The following ZNF85 variants were observed in gnomAD, a reference collection of about 807,000 sequenced individuals.
The protein encoded by ZNF85 is zinc finger protein 85.
In ZNF85, 50 loss-of-function variants were observed where a neutral mutation model predicts 53.9. The ratio of observed to expected loss-of-function variants is 0.93; its 90% confidence interval spans 0.74 to 1.17. The LOEUF is 1.17. Ranked by LOEUF, ZNF85 falls within the 50% of genes most tolerant of loss-of-function variation. ZNF85 has a pLI of 0.00. For synonymous variants in ZNF85, 225 were observed against 226.1 expected (o/e 1.00, Z 0.04); for missense variants, 747 against 688.5 (o/e 1.08, Z -0.95).
At chr19:20,935,111 G>A in intron 3 of ZNF85, 64 bp downstream of exon 3, 2 of 1,063,362 alleles carry the variant, frequency 1.9e-6, no homozygotes, top group Non-Finnish European at 2.7e-6. Flanking sequence ...CAAAGAGAAA[G>A]CCAGTCCTTA....
At chr19:20,941,732 T>A (rs1358902810) in intron 3 of ZNF85, among the ~76,000 whole-genome samples, 4 of 152,252 alleles carry the variant, frequency 2.6e-5, no homozygotes, top group African/African-American at 9.6e-5. Context: ...CAAATATTTT[T>A]AGCTATTTCC....
intron 1 of ZNF85, among the ~76,000 whole-genome samples, chr19:20,923,848 G>A (rs139825506): frequency 0.01 from 1,531 of 152,250 alleles, 22 homozygotes; most frequent in African/African-American, 0.036. Flanking sequence ...TTGGGAAGCC[G>A]AGGCGGGCGG....
At chr19:20,944,887 G>T (rs921688260) in intron 3 of ZNF85, among the ~76,000 whole-genome samples, 2 of 151,978 alleles carry the variant, frequency 1.3e-5, no homozygotes, top group African/African-American at 4.8e-5. Context: ...TATGTCTATT[G>T]CTAATGTGTT....
chr19:20,946,041 A>T (rs1193629461), intron 3 of ZNF85, among the ~76,000 whole-genome samples: 2 of 33,548 alleles, frequency 6.0e-5, no homozygotes, highest in African/African-American at 5.5e-4. Context: ...TAATGCCTCA[A>T]ACGTTTTTTT....
At chr19:20,941,565 A>G (rs1424642455) in intron 3 of ZNF85, among the ~76,000 whole-genome samples, 1 of 152,140 alleles carries the variant, frequency 6.6e-6, no homozygotes, top group African/African-American at 2.4e-5. Context: ...GCCTGGCCAC[A>G]TTTCCTTTCA....
At chr19:20,937,470 C>T (rs973054742) in intron 3 of ZNF85, 3 of 386,748 alleles carry the variant, frequency 7.8e-6, no homozygotes, top group African/African-American at 6.3e-5. Context: ...TAGGGTCCGC[C>T]TTTAGTTGGT....
intron 3 of ZNF85, among the ~76,000 whole-genome samples, chr19:20,942,566 A>G (rs1037908908): frequency 6.6e-6 from 1 of 151,680 alleles, no homozygotes; most frequent in African/African-American, 2.4e-5. Flanking sequence ...TTCTAGTTAG[A>G]TTATATTGAA....
intron 1 of ZNF85, among the ~76,000 whole-genome samples, chr19:20,930,205 T>G (rs1972981833): frequency 6.6e-6 from 1 of 151,788 alleles, no homozygotes; most frequent in African/African-American, 2.4e-5. Flanking sequence ...CACAATTTCC[T>G]TAAACCCCAA....
At chr19:20,930,863 C>T (rs1973000257) in intron 1 of ZNF85, among the ~76,000 whole-genome samples, 1 of 152,218 alleles carries the variant, frequency 6.6e-6, no homozygotes, top group African/African-American at 2.4e-5. Context: ...ACCTCTGCCT[C>T]CCAGGTTCAA....
intron 1 of ZNF85, among the ~76,000 whole-genome samples, chr19:20,928,910 C>A (rs958908142): frequency 3.3e-5 from 5 of 152,074 alleles, no homozygotes; most frequent in African/African-American, 1.2e-4. Flanking sequence ...TTCAGGGGTA[C>A]ACGTGCAGGT....
Position 20,934,178 on chromosome 19 carries a change from T to C in ZNF85, c.130+28T>C, listed in dbSNP as rs112127859. ...GAGGATAACTTCAATACACAATTTC[T>C]AATATGCCCTAAAGGTTTTATTTCT... is the stretch of plus-strand genomic sequence containing the variant. On this transcript the variant is annotated intron_variant, in intron 2 of 3. Coordinates refer to ENST00000328178, the MANE Select transcript of ZNF85 (RefSeq NM_003429.5). The C allele has an allele frequency of 4.4e-3, 7,089 of 1,602,814 alleles. 118 individuals carry two copies. Among genetic ancestry groups the C allele is most frequent in the African/African-American group, 0.034 (2,534 of 74,356 alleles).
chr19:20,948,045 T>C (rs377219356), intron 3 of ZNF85, among the ~76,000 whole-genome samples: 3 of 152,144 alleles, frequency 2.0e-5, no homozygotes, highest in East Asian at 3.8e-4. Flanking sequence ...TAACAATCTT[T>C]ATAATATAGC....
rs1027598898 is a variant in ZNF85 at position 20,929,338 on chromosome 19, A to C, written c.4-4686A>C. On this transcript the variant is annotated intron_variant, in intron 1 of 3. Transcript: ENST00000328178. ...CAAGTAGCTGAGACTACAGGTGCAC[A>C]CCACCACACCTGGCTAATTTTTGTA... Among the ~76,000 whole-genome samples, 40 of 151,866 alleles carry C rather than the reference A, an allele frequency of 2.6e-4. 1 individual carries two copies. Among genetic ancestry groups the C allele is most frequent in the Admixed American group, 2.6e-4 (4 of 15,228 alleles).
At chr19:20,925,473 A>G (rs1047329321) in intron 1 of ZNF85, among the ~76,000 whole-genome samples, 2 of 150,296 alleles carry the variant, frequency 1.3e-5, no homozygotes, top group African/African-American at 4.9e-5. Flanking sequence ...AAAAAAAAAG[A>G]TTGACTTCAC....
intron 3 of ZNF85, among the ~76,000 whole-genome samples, chr19:20,946,043 C>T (rs1040989642): frequency 1.3e-5 from 2 of 149,948 alleles, no homozygotes; most frequent in Non-Finnish European, 3.0e-5. Context: ...ATGCCTCAAA[C>T]GTTTTTTTTT....
chr19:20,930,120 C>CAAAAAAAA (rs57832039), intron 1 of ZNF85, among the ~76,000 whole-genome samples: 10 of 79,248 alleles, frequency 1.3e-4, no homozygotes, highest in Non-Finnish European at 1.6e-4. Flanking sequence ...GACTCCGTCC[C>CAAAAAAAA]AAAAAAAAAA....
chr19:20,923,595 G>C (rs1242150821), intron 1 of ZNF85, among the ~76,000 whole-genome samples, 192 bp downstream of exon 1: 5 of 152,160 alleles, frequency 3.3e-5, no homozygotes, highest in Admixed American at 6.5e-5. Flanking sequence ...CGGGCGTCCT[G>C]TCTCTTCCCT....
chr19:20,947,887 A>T (rs879791213), intron 3 of ZNF85, among the ~76,000 whole-genome samples: 4 of 151,906 alleles, frequency 2.6e-5, no homozygotes, highest in Non-Finnish European at 5.9e-5. Flanking sequence ...ACTGAATATT[A>T]TTCAAGTTTT....
intron 1 of ZNF85, among the ~76,000 whole-genome samples, chr19:20,923,698 G>T (rs1195200354): frequency 1.6e-5 from 2 of 122,212 alleles, no homozygotes; most frequent in Non-Finnish European, 3.9e-5. Context: ...GACCACGGGA[G>T]GGTTGTCAGG....
Sources: allele counts gnomAD v4.1 joint callset (sites outside exome capture counted in the v4.1 genomes callset), GRCh38; gene constraint gnomAD v4.1.1; transcripts MANE v1.5; gene names NCBI Gene and HGNC (gene_info 2026-07-23, HGNC 2026-07-21).